SGCZ: variants seen among roughly 807,000 people sequenced by gnomAD.
The protein encoded by SGCZ is zeta-sarcoglycan.
In SGCZ, 40 loss-of-function variants were observed where a neutral mutation model predicts 41.3. The observed-to-expected ratio is 0.97, with a 90% CI of 0.75 to 1.26. SGCZ has a LOEUF of 1.26. Ranked by LOEUF, SGCZ falls within the 50% of genes most tolerant of loss-of-function variation. SGCZ has a pLI of 0.00. For missense variants in SGCZ, 552 were observed against 369.8 expected, an observed-to-expected ratio of 1.49 and a Z score of -4.04; for synonymous variants, 206 against 137.5, an observed-to-expected ratio of 1.50 and a Z score of -3.49.
chr8:14,192,139 G>A (rs1001203847), intron 4 of SGCZ, among the ~76,000 whole-genome samples: 8 of 152,000 alleles, frequency 5.3e-5, no homozygotes, highest in Non-Finnish European at 1.0e-4. Flanking sequence ...CTGGTCAAGT[G>A]AAAATATTTC....
intron 6 of SGCZ, among the ~76,000 whole-genome samples, chr8:14,105,299 A>G (rs1406134622): frequency 6.6e-6 from 1 of 152,096 alleles, no homozygotes; most frequent in African/African-American, 2.4e-5. Context: ...AATCCACTAC[A>G]TTTCTTCACC....
intron 1 of SGCZ, among the ~76,000 whole-genome samples, chr8:15,036,498 C>T (rs995523332): frequency 1.3e-5 from 2 of 151,938 alleles, no homozygotes; most frequent in African/African-American, 4.8e-5. Context: ...TACAACAAAC[C>T]CCCATGATAC....
chr8:14,159,632 A>C (rs1201080769), intron 5 of SGCZ, among the ~76,000 whole-genome samples: 3 of 152,204 alleles, frequency 2.0e-5, no homozygotes, highest in Non-Finnish European at 4.4e-5. Context: ...TCAGCAGAGA[A>C]AATGAAGTGA....
intron 1 of SGCZ, among the ~76,000 whole-genome samples, chr8:14,656,521 C>A (rs960806331): frequency 2.1e-5 from 3 of 145,552 alleles, no homozygotes; most frequent in East Asian, 2.1e-4. Flanking sequence ...CCTTCCTTTT[C>A]TTTTCTTTCT....
chr8:14,978,801 T>TA (rs748944467), intron 1 of SGCZ, among the ~76,000 whole-genome samples: 119 of 151,882 alleles, frequency 7.8e-4, no homozygotes, highest in South Asian at 4.2e-4. Context: ...TACAATTTTT[T>TA]GTTTTGTTTT....
chr8:14,309,557 G>C, intron 3 of SGCZ: 2 of 1,610,628 alleles, frequency 1.2e-6, no homozygotes, highest in Non-Finnish European at 1.7e-6. Flanking sequence ...TACACATACA[G>C]GGACGGTATA....
intron 2 of SGCZ, among the ~76,000 whole-genome samples, chr8:14,546,270 G>A (rs560972818): frequency 6.6e-6 from 1 of 152,152 alleles, no homozygotes; most frequent in South Asian, 2.1e-4. Context: ...TCCAGGGCAA[G>A]TGCCATGATG....
At position 15,112,876 on chromosome 8, in the gene SGCZ, A is replaced by C. The variant is rs143250227; in HGVS notation, c.39+124709T>G. ...CCTACTTACAGATTCATGATCAAAT[A>C]AACAATTGTTGCTGTTTGAAGTCAT... is the stretch of plus-strand genomic sequence containing the variant. On this transcript the variant is annotated intron_variant, in intron 1 of 7. Coordinates refer to ENST00000382080, the MANE Select transcript of SGCZ (RefSeq NM_139167.4). 1.1e-4 allele frequency among the ~76,000 whole-genome samples: 17 copies of C among 152,302 alleles called. No homozygotes were observed. The East Asian group carries it at 2.9e-3, about 26-fold the overall frequency.
intron 2 of SGCZ, among the ~76,000 whole-genome samples, chr8:14,395,590 G>C (rs1368648085): frequency 1.3e-5 from 2 of 152,128 alleles, no homozygotes; most frequent in Non-Finnish European, 2.9e-5. Context: ...ATATTGAAAG[G>C]AGTATTGATT....
At chr8:14,646,921 AC>A (rs1807240664) in intron 1 of SGCZ, among the ~76,000 whole-genome samples, 4 of 151,874 alleles carry the variant, frequency 2.6e-5, no homozygotes, top group African/African-American at 9.7e-5. Flanking sequence ...AAGACTTTAT[AC>A]TTCTTTTAAG....
chr8:14,792,763 C>A (rs2130474195), intron 1 of SGCZ, among the ~76,000 whole-genome samples: 1 of 152,044 alleles, frequency 6.6e-6, no homozygotes, highest in East Asian at 1.9e-4. Flanking sequence ...CCAGGGTTTT[C>A]TTTTTCTCTC....
intron 2 of SGCZ, among the ~76,000 whole-genome samples, chr8:14,532,183 G>A (rs1378941061): frequency 6.6e-6 from 1 of 151,964 alleles, no homozygotes; most frequent in Non-Finnish European, 1.5e-5. Context: ...TCAAAGTAAG[G>A]CACTAAAAAT....
intron 3 of SGCZ, among the ~76,000 whole-genome samples, chr8:14,270,939 T>C (rs1331334205): frequency 6.6e-6 from 1 of 152,056 alleles, no homozygotes; most frequent in East Asian, 1.9e-4. Flanking sequence ...CTGCAAACTA[T>C]CCCAAGGACA....
intron 2 of SGCZ, among the ~76,000 whole-genome samples, chr8:14,524,250 A>C (rs2117107377): frequency 6.6e-6 from 1 of 151,948 alleles, no homozygotes; most frequent in East Asian, 1.9e-4. Context: ...CCACAAGAGC[A>C]AGAGAACGGG....
At chr8:14,580,802 A>T (rs1197049430) in intron 1 of SGCZ, among the ~76,000 whole-genome samples, 3 of 152,210 alleles carry the variant, frequency 2.0e-5, no homozygotes, top group Admixed American at 1.3e-4. Context: ...TGCCATTCTG[A>T]TTAAATTGCA....
chr8:14,354,823 T>C (rs1238256046), intron 2 of SGCZ, among the ~76,000 whole-genome samples: 1 of 151,864 alleles, frequency 6.6e-6, no homozygotes, highest in South Asian at 2.1e-4. Flanking sequence ...TTATGAATTC[T>C]TCACACATGT....
At chr8:14,103,741 G>T (rs185802585) in intron 6 of SGCZ, among the ~76,000 whole-genome samples, 2 of 151,792 alleles carry the variant, frequency 1.3e-5, no homozygotes, top group African/African-American at 4.8e-5. Flanking sequence ...GGAGGGGTGA[G>T]GTTTTGAATG....
intron 2 of SGCZ, among the ~76,000 whole-genome samples, chr8:14,366,628 C>T (rs1165291318): frequency 6.6e-6 from 1 of 152,084 alleles, no homozygotes; most frequent in Admixed American, 6.6e-5. Context: ...TTTCAGCATT[C>T]ACACAAACTC....
intron 1 of SGCZ, among the ~76,000 whole-genome samples, chr8:14,775,863 C>A (rs1199513203): frequency 2.6e-5 from 4 of 152,050 alleles, no homozygotes. Flanking sequence ...TAATGTGACA[C>A]AGAAGACAAG....
Sources: allele counts gnomAD v4.1 joint callset (sites outside exome capture counted in the v4.1 genomes callset), GRCh38; gene constraint gnomAD v4.1.1; transcripts MANE v1.5; gene names NCBI Gene and HGNC (gene_info 2026-07-23, HGNC 2026-07-21).